The following KIF21A variants were observed in gnomAD, a reference collection of about 807,000 sequenced individuals.
KIF21A encodes the protein kinesin-like protein KIF21A.
In KIF21A, 114 loss-of-function variants were observed where a neutral mutation model predicts 202.9. That is an observed-to-expected ratio of 0.56 (90% confidence interval 0.48 to 0.66). The LOEUF is 0.66. KIF21A is among the 30% of genes least tolerant of loss of function. The pLI is 0.00. For synonymous variants in KIF21A, 667 were observed against 670.8 expected (o/e 0.99, Z 0.09); for missense variants, 1,677 against 1,994.9 (o/e 0.84, Z 3.04).
chr12:39,373,400 T>A (rs1046311644), intron 1 of KIF21A, among the ~76,000 whole-genome samples: 13 of 152,142 alleles, frequency 8.5e-5, no homozygotes, highest in Admixed American at 2.0e-4. Context: ...TTTTGGGAGC[T>A]CACACAAACT....
chr12:39,358,664 A>G (rs1044927615), intron 7 of KIF21A, among the ~76,000 whole-genome samples: 1 of 152,228 alleles, frequency 6.6e-6, no homozygotes, highest in Non-Finnish European at 1.5e-5. Context: ...TAATTCTAAA[A>G]TTAAACTGAC....
intron 34 of KIF21A, 119 bp from the exon 35 acceptor site, chr12:39,305,057 T>C (rs1469870607): frequency 1.5e-6 from 1 of 648,180 alleles, no homozygotes; most frequent in African/African-American, 1.8e-5. Flanking sequence ...TTTTTTTTCT[T>C]TGTATATGTT....
chr12:39,301,200 A>G (rs899663530), intron 37 of KIF21A, among the ~76,000 whole-genome samples: 4 of 152,206 alleles, frequency 2.6e-5, no homozygotes, highest in African/African-American at 9.6e-5. Context: ...ATTAGTCATT[A>G]TTTTCTAAAA....
intron 1 of KIF21A, among the ~76,000 whole-genome samples, chr12:39,405,801 C>T (rs540542160): frequency 2.0e-5 from 3 of 151,874 alleles, no homozygotes; most frequent in African/African-American, 7.2e-5. Flanking sequence ...ACTGAAATGA[C>T]TAAAAACACG....
At chr12:39,298,887 TATA>T (rs1942678613) in intron 37 of KIF21A, among the ~76,000 whole-genome samples, 1 of 152,126 alleles carries the variant, frequency 6.6e-6, no homozygotes, top group African/African-American at 2.4e-5. Flanking sequence ...AAATAGAGAT[TATA>T]ATAATAATAC....
chr12:39,434,344 T>C (rs766892688), intron 1 of KIF21A, among the ~76,000 whole-genome samples: 3 of 152,220 alleles, frequency 2.0e-5, no homozygotes, highest in Admixed American at 6.5e-5. Flanking sequence ...CATGAACTAA[T>C]CACTTCTTAG....
intron 34 of KIF21A, among the ~76,000 whole-genome samples, chr12:39,306,907 A>G (rs1804636913): frequency 6.6e-6 from 1 of 152,210 alleles, no homozygotes; most frequent in African/African-American, 2.4e-5. Flanking sequence ...GGTTGAATAA[A>G]TATTTGTTAA....
intron 16 of KIF21A, among the ~76,000 whole-genome samples, chr12:39,339,655 C>G (rs560279738): frequency 6.6e-6 from 1 of 152,208 alleles, no homozygotes; most frequent in East Asian, 1.9e-4. Flanking sequence ...GATAACAGAT[C>G]AGGATTTGCA....
At chr12:39,330,580 C>T (rs1308715757) in intron 23 of KIF21A, among the ~76,000 whole-genome samples, 166 bp downstream of exon 23, 1 of 152,082 alleles carries the variant, frequency 6.6e-6, no homozygotes, top group African/African-American at 2.4e-5. Context: ...CAATAATTAC[C>T]TCGCCAAAAT....
intron 1 of KIF21A, among the ~76,000 whole-genome samples, chr12:39,408,467 C>A (rs1952792785): frequency 6.6e-6 from 1 of 152,024 alleles, no homozygotes; most frequent in Non-Finnish European, 1.5e-5. Flanking sequence ...CAGACTGTTA[C>A]CAGTCTGTGG....
chr12:39,309,563 CT>C, intron 33 of KIF21A, 22 bp downstream of exon 33: 1 of 1,531,590 alleles, frequency 6.5e-7, no homozygotes, highest in Middle Eastern at 1.7e-4. Context: ...CTCCTTTATG[CT>C]ATATGTCTTC....
intron 1 of KIF21A, among the ~76,000 whole-genome samples, chr12:39,378,925 G>A (rs1238202269): frequency 2.0e-5 from 3 of 152,090 alleles, no homozygotes; most frequent in Non-Finnish European, 4.4e-5. Flanking sequence ...TAAAATTTTC[G>A]AGACTGAGAA....
At position 39,318,108 on chromosome 12, in the gene KIF21A, A is replaced by G. The variant is rs754319870; in HGVS notation, c.3873T>C (p.Thr1291=). The G allele has an allele frequency of 2.5e-6, 4 of 1,613,466 alleles. No homozygotes were observed. The highest frequency in any genetic ancestry group is 1.1e-5 in the South Asian group (1 of 91,088). Residue 1291 remains threonine (T), a synonymous_variant, in exon 29 of 38, where the codon ACT becomes ACC. Transcript: ENST00000361418. ...RNELNVFNRL[T]VSQGNTSVQQ... Reference sequence around the variant, plus strand: ...GAACTGATGTGTTTCCCTGAGAAACAGTAAGACGATTAAAAACATTCAGTT... The same window carrying G: ...GAACTGATGTGTTTCCCTGAGAAACGGTAAGACGATTAAAAACATTCAGTT...
intron 1 of KIF21A, among the ~76,000 whole-genome samples, chr12:39,427,835 T>C (rs1173632066): frequency 6.6e-6 from 1 of 152,138 alleles, no homozygotes; most frequent in Non-Finnish European, 1.5e-5. Context: ...ATTTTTGTAT[T>C]GTTAATAGAG....
intron 37 of KIF21A, 24 bp downstream of exon 37, chr12:39,301,456 G>GA (rs753492630): frequency 6.3e-7 from 1 of 1,588,992 alleles, no homozygotes; most frequent in Non-Finnish European, 8.6e-7. Flanking sequence ...CCAATATAGA[G>GA]AAAAATCATA....
chr12:39,330,747 T>C lies in KIF21A; in HGVS notation c.3318A>G (p.Gln1106=). 6.2e-7 allele frequency: 1 copy of C among 1,613,872 alleles called. No individual in the cohort carries two copies. The highest frequency in any genetic ancestry group is 8.5e-7 in the Non-Finnish European group (1 of 1,179,788). Reference sequence around the variant, plus strand: ...CAACTAAAATTGAGAGCAAATTACCTTGTAAAGCATGGCCTAGTAAAGCAT... The same window carrying C: ...CAACTAAAATTGAGAGCAAATTACCCTGTAAAGCATGGCCTAGTAAAGCAT... ...ELDALLGHAL[Q]DLDSVPLENV... The change falls in exon 23 of 38, where the codon CAA becomes CAG. Residue 1106 remains glutamine (Q), a splice_region_variant and synonymous_variant. Coordinates refer to ENST00000361418, the MANE Select transcript of KIF21A (RefSeq NM_001173464.2).
chr12:39,397,199 A>G lies in KIF21A; in HGVS notation c.45-26938T>C, dbSNP rs181337076. On this transcript the variant is annotated intron_variant, in intron 1 of 37. Coordinates refer to ENST00000361418, the MANE Select transcript of KIF21A (RefSeq NM_001173464.2). ...TTTATGGTCTATAAATTATACCCCAATAAAACTGCTAAAATACTTGTTTTG... is the reference window on the plus strand; with the variant it reads ...TTTATGGTCTATAAATTATACCCCAGTAAAACTGCTAAAATACTTGTTTTG... 5.7e-3 allele frequency among the ~76,000 whole-genome samples: 861 copies of G among 152,344 alleles called. 10 individuals are homozygous for G. Among genetic ancestry groups the G allele is most frequent in the African/African-American group, 0.019 (807 of 41,586 alleles).
chr12:39,301,466 A>T lies in KIF21A; in HGVS notation c.4931+14T>A, dbSNP rs753911414. On this transcript the variant is annotated intron_variant, in intron 37 of 37. Transcript: ENST00000361418. The stretch of plus-strand genomic sequence containing the variant: ...AGCAACCAATATAGAGAAAAATCAT[A>T]TAAGAAAACTTACTCAGCTGCAGTA... 1.2e-6 allele frequency: 2 copies of T among 1,604,984 alleles called. No individual in the cohort carries two copies. Among genetic ancestry groups the T allele is most frequent in the Non-Finnish European group, 1.7e-6 (2 of 1,171,626 alleles).
intron 36 of KIF21A, 85 bp downstream of exon 36, chr12:39,302,880 T>C (rs139227542): frequency 8.8e-7 from 1 of 1,135,714 alleles, no homozygotes; most frequent in East Asian, 2.3e-5. Flanking sequence ...GATAAAAATC[T>C]ACATAGAAGC....
Sources: gnomAD v4.1 joint callset for allele counts (sites outside exome capture counted in the v4.1 genomes callset) on GRCh38, gnomAD v4.1.1 for gene constraint, MANE v1.5 for transcripts, NCBI Gene and HGNC (gene_info 2026-07-23, HGNC 2026-07-21) for gene names.